Variants in RABGEF1 observed in about 807,000 individuals in gnomAD.
The protein encoded by RABGEF1 is RAB guanine nucleotide exchange factor 1, also known as rab5 GDP/GTP exchange factor.
In RABGEF1, 26 loss-of-function variants were observed where a neutral mutation model predicts 57.3. The ratio of observed to expected loss-of-function variants is 0.45; its 90% confidence interval spans 0.33 to 0.63. The LOEUF (loss-of-function observed/expected upper bound fraction) is 0.63, where lower values mean the gene tolerates loss of function less well. RABGEF1 is among the 20% of genes least tolerant of loss of function. The pLI is 0.02. For synonymous variants in RABGEF1, 185 were observed against 210.7 expected (o/e 0.88, Z 1.06); for missense variants, 464 against 607.6 (o/e 0.76, Z 2.48).
chr7:66,767,762 C>G (rs1235449077), intron 1 of RABGEF1, among the ~76,000 whole-genome samples: 1 of 152,222 alleles, frequency 6.6e-6, no homozygotes, highest in Non-Finnish European at 1.5e-5. Context: ...CCACCAGACA[C>G]CAACATCTGT....
upstream of RABGEF1, chr7:66,740,099 G>C (rs1249841957): frequency 6.6e-6 from 1 of 152,316 alleles, no homozygotes; most frequent in Non-Finnish European, 1.5e-5. Flanking sequence ...CTCCCTGGTA[G>C]TTGGGACCAC....
intron 4 of RABGEF1, among the ~76,000 whole-genome samples, chr7:66,793,922 TG>T (rs1183759085): frequency 6.6e-6 from 1 of 152,040 alleles, no homozygotes; most frequent in Admixed American, 6.5e-5. Flanking sequence ...CAGCCCGTCC[TG>T]GGGGTTTGTT....
chr7:66,777,134 G>A (rs543994182), intron 3 of RABGEF1, among the ~76,000 whole-genome samples: 99 of 152,276 alleles, frequency 6.5e-4, no homozygotes, highest in African/African-American at 2.4e-3. Flanking sequence ...TATCTTGCAG[G>A]GAGCACAAGG....
intron 1 of RABGEF1, among the ~76,000 whole-genome samples, chr7:66,751,095 A>G (rs1464991542): frequency 7.0e-6 from 1 of 143,462 alleles, no homozygotes; most frequent in Non-Finnish European, 1.5e-5. Flanking sequence ...CAGTGGTGTG[A>G]TCTTGGCTCA....
chr7:66,668,555 A>T, the RABGEF1 span, among the ~76,000 whole-genome samples: 2 of 152,004 alleles, frequency 1.3e-5, no homozygotes, highest in Admixed American at 1.3e-4. Flanking sequence ...AGAGGGGGGG[A>T]TTGGCATAGG....
chr7:66,721,986 C>T (rs1269633013), intron 2 of RABGEF1, among the ~76,000 whole-genome samples: 2 of 151,754 alleles, frequency 1.3e-5, no homozygotes, highest in East Asian at 1.9e-4. Flanking sequence ...ACCCCCCCTC[C>T]GTCTTTTCAA....
Position 66,751,007 on chromosome 7 carries a change from CT to C in RABGEF1, c.-18+10220del, listed in dbSNP as rs562624287. On this transcript the variant is annotated intron_variant, in intron 1 of 8. Transcript: ENST00000284957. Reference sequence around the variant, plus strand: ...CCAATTCACAGTTGAAATTCTTAATCTTTTTATGTTTTCCCTCTTTTTTTCT... The same window carrying C: ...CCAATTCACAGTTGAAATTCTTAATCTTTTATGTTTTCCCTCTTTTTTTCT... Among the ~76,000 whole-genome samples, 23 of 151,114 alleles carry C rather than the reference CT, an allele frequency of 1.5e-4. No individual in the cohort carries two copies. In the South Asian group the frequency reaches 4.8e-3, roughly 32 times the overall value.
chr7:66,808,140 TTTCCCACGG>T (rs1788826662), intron 8 of RABGEF1: 1 of 152,150 alleles, frequency 6.6e-6, no homozygotes, highest in Non-Finnish European at 1.5e-5. Flanking sequence ...CTTAAGTAAC[TTTCCCACGG>T]TCACTCACTG....
chr7:66,749,598 G>A (rs1800956058), intron 1 of RABGEF1, among the ~76,000 whole-genome samples: 1 of 152,146 alleles, frequency 6.6e-6, no homozygotes, highest in African/African-American at 2.4e-5. Context: ...AGGTATTAGA[G>A]GCTGCAGTGC....
the RABGEF1 span, among the ~76,000 whole-genome samples, chr7:66,670,078 G>A: frequency 0.01 from 1,592 of 151,958 alleles, 25 homozygotes; most frequent in African/African-American, 0.036. Context: ...TTCTTAAACC[G>A]CCCCTTTCCC....
intron 2 of RABGEF1, 44 bp from the exon 3 acceptor site, chr7:66,775,183 C>G (rs781447827): frequency 7.7e-6 from 12 of 1,562,044 alleles, no homozygotes; most frequent in Admixed American, 2.0e-5. Flanking sequence ...ACAGAGAAAC[C>G]TTGGAGAATA....
At chr7:66,763,772 C>G (rs1437340763) in intron 1 of RABGEF1, among the ~76,000 whole-genome samples, 1 of 152,234 alleles carries the variant, frequency 6.6e-6, no homozygotes, top group Non-Finnish European at 1.5e-5. Flanking sequence ...TCTCACTTAG[C>G]ATGTTTTCAG....
the RABGEF1 span, among the ~76,000 whole-genome samples, chr7:66,670,890 C>T: frequency 4.8e-5 from 7 of 145,096 alleles, no homozygotes; most frequent in South Asian, 2.2e-4. Flanking sequence ...AATACACATA[C>T]GTATACACAC....
At chr7:66,682,633 C>G (rs1310331326) in intron 1 of RABGEF1, among the ~76,000 whole-genome samples, 3 of 152,172 alleles carry the variant, frequency 2.0e-5, no homozygotes, top group Admixed American at 1.3e-4. Context: ...TGTGGTCGCG[C>G]GGGACCCATC....
chr7:66,741,747 G>A (rs1192033397), intron 1 of RABGEF1, among the ~76,000 whole-genome samples: 4 of 152,164 alleles, frequency 2.6e-5, no homozygotes, highest in African/African-American at 4.8e-5. Flanking sequence ...GCCCAGGCAG[G>A]TGTGAAACTC....
At chr7:66,771,815 CATA>C in intron 1 of RABGEF1, 65 bp from the exon 2 acceptor site, 1 of 1,197,926 alleles carries the variant, frequency 8.3e-7, no homozygotes, top group Non-Finnish European at 1.1e-6. Context: ...ACTTTTTGTT[CATA>C]ATTGGTAAGA....
intron 1 of RABGEF1, among the ~76,000 whole-genome samples, chr7:66,698,423 A>T (rs558810842): frequency 6.6e-6 from 1 of 152,282 alleles, no homozygotes; most frequent in East Asian, 1.9e-4. Flanking sequence ...AGGAGAGTGC[A>T]AGGTCCCCAC....
intron 4 of RABGEF1, among the ~76,000 whole-genome samples, chr7:66,790,586 A>T (rs1812413100): frequency 6.6e-6 from 1 of 152,208 alleles, no homozygotes; most frequent in South Asian, 2.1e-4. Flanking sequence ...TGATGAGGTG[A>T]AGGAAGCTTA....
At chr7:66,668,280 A>G in the RABGEF1 span, among the ~76,000 whole-genome samples, 1 of 152,054 alleles carries the variant, frequency 6.6e-6, no homozygotes, top group Non-Finnish European at 1.5e-5. Flanking sequence ...TTTTGTTTTT[A>G]GAAATGGGGT....
Sources: gnomAD v4.1 joint callset for allele counts (sites outside exome capture counted in the v4.1 genomes callset) on GRCh38, gnomAD v4.1.1 for gene constraint, MANE v1.5 for transcripts, NCBI Gene and HGNC (gene_info 2026-07-23, HGNC 2026-07-21) for gene names.